The following SLC6A6 variants were observed in gnomAD, a reference collection of about 807,000 sequenced individuals.
SLC6A6 encodes sodium- and chloride-dependent taurine transporter.
A neutral mutation model predicts 68.8 loss-of-function variants in SLC6A6; 16 were observed. That is an observed-to-expected ratio of 0.23 (90% CI 0.16 to 0.35). The LOEUF (loss-of-function observed/expected upper bound fraction) is 0.35. Among genes scored for constraint, SLC6A6 ranks in the 10% least tolerant of loss-of-function variants. The probability of loss-of-function intolerance (pLI) is 1.00; values close to 1 mark genes in which losing one functional copy is unlikely to be tolerated. For missense variants in SLC6A6, 474 were observed against 802.8 expected, an observed-to-expected ratio of 0.59 and a Z score of 4.95; for synonymous variants, 312 against 315.4, an observed-to-expected ratio of 0.99 and a Z score of 0.12.
In SLC6A6 at chr3:14,419,010, G is replaced by T. The variant is rs138439400; in HGVS notation, c.-12+2557G>T. Among the ~76,000 whole-genome samples, 215 of 152,312 alleles carry T rather than the reference G, an allele frequency of 1.4e-3. 1 individual carries two copies. Among genetic ancestry groups the T allele is most frequent in the African/African-American group, 5.0e-3 (208 of 41,572 alleles). On this transcript the variant is annotated intron_variant, in intron 2 of 14. Coordinates refer to ENST00000622186, the MANE Select transcript of SLC6A6 (RefSeq NM_003043.6). ...CCTGGGAAATGAGGCTCCTGCTGCCGTGAGGCTGGAATGTGAGTTCTGCTT... is the reference window on the plus strand; with the variant it reads ...CCTGGGAAATGAGGCTCCTGCTGCCTTGAGGCTGGAATGTGAGTTCTGCTT...
At chr3:14,451,830 T>C (rs1388907137) in intron 5 of SLC6A6, among the ~76,000 whole-genome samples, 2 of 152,124 alleles carry the variant, frequency 1.3e-5, no homozygotes, top group African/African-American at 4.8e-5. Context: ...CTTGTCAGGA[T>C]TTTTTGCGCG....
Position 14,481,968 on chromosome 3 carries a change from A to G in SLC6A6, c.1722+127A>G, listed in dbSNP as rs569939042. The G allele has an allele frequency of 5.6e-4, 415 of 735,960 alleles. No homozygotes were observed. The highest frequency in any genetic ancestry group is 1.4e-3 in the Admixed American group (52 of 37,726). The allele number at this position is 735,960 out of a possible 1,614,324, so 45.6% of individuals were successfully genotyped here. A position where few individuals can be genotyped will look rare whatever the true frequency, so the allele number is the denominator to read the frequency against. On this transcript the variant is annotated intron_variant, in intron 14 of 14. Coordinates refer to ENST00000622186, the MANE Select transcript of SLC6A6 (RefSeq NM_003043.6). This position sits in a 1 kb window ranked among gnomAD's most constrained non-coding sequence, Gnocchi z 4.7. ...TGAGCCATAGTTCCCTCACCCATCC[A>G]GTGGTTCAGCTTATGGGCAGCAGAG... is the stretch of plus-strand genomic sequence containing the variant.
chr3:14,463,536 G>C (rs1028725521), intron 6 of SLC6A6, among the ~76,000 whole-genome samples: 2 of 152,230 alleles, frequency 1.3e-5, no homozygotes, highest in Non-Finnish European at 2.9e-5. Context: ...CCCCTGCGGG[G>C]CTGCTGTCAG....
intron 6 of SLC6A6, among the ~76,000 whole-genome samples, chr3:14,465,604 C>A (rs972438108): frequency 3.3e-5 from 5 of 152,348 alleles, no homozygotes; most frequent in African/African-American, 9.6e-5. Context: ...CATGAGGAAA[C>A]AGGTCCAGAG....
intron 2 of SLC6A6, among the ~76,000 whole-genome samples, chr3:14,431,806 G>A (rs2124925097): frequency 6.6e-6 from 1 of 152,256 alleles, no homozygotes; most frequent in East Asian, 1.9e-4. Context: ...GTGGGGCGGA[G>A]GTAGGAAGGA....
intron 10 of SLC6A6, among the ~76,000 whole-genome samples, chr3:14,476,807 G>A (rs1248684193): frequency 6.6e-6 from 1 of 152,246 alleles, no homozygotes; most frequent in East Asian, 1.9e-4. Flanking sequence ...GGTTGTCATG[G>A]CAACACATAT....
intron 2 of SLC6A6, among the ~76,000 whole-genome samples, chr3:14,440,132 C>T (rs566591856): frequency 6.6e-6 from 1 of 152,180 alleles, no homozygotes; most frequent in South Asian, 2.1e-4. Context: ...CCTGTGCACC[C>T]CCCCTCATTT....
rs368835369 is a variant in SLC6A6, at chr3:14,439,056, C to T, written c.-11-4568C>T. ...CCCAGCTGGCTGGTGCTCAGGGCAC[C>T]GGGAGGGATGCAGAGCAAGATATAG... On this transcript the variant is annotated intron_variant, in intron 2 of 14. Coordinates refer to ENST00000622186, the MANE Select transcript of SLC6A6 (RefSeq NM_003043.6). 2.1e-4 allele frequency among the ~76,000 whole-genome samples: 32 copies of T among 152,284 alleles called. 1 individual carries two copies. Among genetic ancestry groups the T allele is most frequent in the African/African-American group, 7.7e-4 (32 of 41,556 alleles).
intron 2 of SLC6A6, among the ~76,000 whole-genome samples, chr3:14,417,536 C>T (rs972613733): frequency 1.3e-5 from 2 of 152,114 alleles, no homozygotes; most frequent in Non-Finnish European, 2.9e-5. Context: ...TCGAGACCAT[C>T]CTGGCTAACA....
In SLC6A6 at chr3:14,445,849, C is replaced by G. The variant is rs1700108447; in HGVS notation, c.362C>G (p.Ser121Cys). The G allele has an allele frequency of 1.2e-6, 2 of 1,614,110 alleles. No homozygotes were observed. Among genetic ancestry groups the G allele is most frequent in the African/African-American group, 2.7e-5 (2 of 74,942 alleles). The stretch of plus-strand genomic sequence containing the variant: ...TGGGAAAAGATCTGCCCCTTGTTCT[C>G]TGGTGAGTATGGGACGGAGGTCACT... Reference protein sequence around the residue: ...TCWEKICPLFSGIGYASVVIV... With the variant: ...TCWEKICPLFCGIGYASVVIV... The change falls in exon 4 of 15, where the codon TCT becomes TGT. Residue 121 changes from serine (S) to cysteine (C), a missense_variant and splice_region_variant. Ser to Cys is a moderately radical substitution (Grantham distance 112). This residue lies in a region of SLC6A6 where 280 missense variants were observed against 533.1 expected (regional missense o/e 0.53). Coordinates refer to ENST00000622186, the MANE Select transcript of SLC6A6 (RefSeq NM_003043.6).
chr3:14,471,300 C>A (rs1304738761), intron 9 of SLC6A6, among the ~76,000 whole-genome samples: 1 of 152,154 alleles, frequency 6.6e-6, no homozygotes, highest in Non-Finnish European at 1.5e-5. Context: ...TGTCTCCCAT[C>A]AGAGACATCC....
intron 3 of SLC6A6, 62 bp downstream of exon 3, chr3:14,443,925 C>T (rs1242632607): frequency 8.2e-7 from 1 of 1,222,288 alleles, no homozygotes; most frequent in African/African-American, 1.5e-5. Context: ...GAGCTGGAGG[C>T]TGGGACCAGA....
chr3:14,433,832 A>G (rs1273757002), intron 2 of SLC6A6, among the ~76,000 whole-genome samples: 1 of 146,500 alleles, frequency 6.8e-6, no homozygotes, highest in African/African-American at 2.5e-5. Flanking sequence ...AAAAAAAGTC[A>G]TAAGTACCTG....
chr3:14,449,418 C>G lies in SLC6A6; in HGVS notation c.599+1602C>G, dbSNP rs186551438. Among the ~76,000 whole-genome samples the G allele has an allele frequency of 1.6e-3, 241 of 152,348 alleles. 2 individuals are homozygous for G. Among genetic ancestry groups the G allele is most frequent in the Non-Finnish European group, 2.9e-3 (198 of 68,026 alleles). ...AAAGGCTGGCACTTCCTTTTTCTCACTTGAATGGGGTCCAAGGCACAGCCT... is the reference window on the plus strand; with the variant it reads ...AAAGGCTGGCACTTCCTTTTTCTCAGTTGAATGGGGTCCAAGGCACAGCCT... On this transcript the variant is annotated intron_variant, in intron 5 of 14. Coordinates refer to ENST00000622186, the MANE Select transcript of SLC6A6 (RefSeq NM_003043.6).
chr3:14,414,428 G>A (rs1410015241), intron 1 of SLC6A6, among the ~76,000 whole-genome samples: 1 of 152,218 alleles, frequency 6.6e-6, no homozygotes, highest in Non-Finnish European at 1.5e-5. Context: ...GCTGAGAGCA[G>A]GCCTATGTGG....
At chr3:14,419,353 C>T (rs1026483985) in intron 2 of SLC6A6, among the ~76,000 whole-genome samples, 1 of 152,186 alleles carries the variant, frequency 6.6e-6, no homozygotes, top group Non-Finnish European at 1.5e-5. Context: ...CCTCACTGGG[C>T]ACGTCACTTG....
intron 2 of SLC6A6, among the ~76,000 whole-genome samples, chr3:14,438,587 G>A (rs555658830): frequency 6.6e-6 from 1 of 152,240 alleles, no homozygotes; most frequent in East Asian, 1.9e-4. Flanking sequence ...GTCTCTTCTT[G>A]CCCCTGTTCT....
intron 12 of SLC6A6, 49 bp from the exon 13 acceptor site, chr3:14,479,036 G>T: frequency 8.2e-7 from 1 of 1,226,968 alleles, no homozygotes. Context: ...CTGAGCTGCT[G>T]CTGGCCTTGA....
intron 2 of SLC6A6, among the ~76,000 whole-genome samples, chr3:14,437,938 C>T (rs1430328812): frequency 6.6e-6 from 1 of 151,392 alleles, no homozygotes; most frequent in African/African-American, 2.4e-5. Flanking sequence ...AGCGATTCTT[C>T]TGCCGTAGCT....
Sources: gnomAD v4.1 joint callset for allele counts (sites outside exome capture counted in the v4.1 genomes callset) on GRCh38, gnomAD v4.1.1 for gene constraint, gnomAD v4.1.1 regional missense constraint, Gnocchi (gnomAD v3.1) non-coding constraint, MANE v1.5 for transcripts, NCBI Gene and HGNC (gene_info 2026-07-23, HGNC 2026-07-21) for gene names.